CSMD1: variants seen among roughly 807,000 people sequenced by gnomAD.
The protein encoded by CSMD1 is CUB and sushi domain-containing protein 1.
A neutral mutation model predicts 417.5 loss-of-function variants in CSMD1; 213 were observed. The ratio of observed to expected loss-of-function variants is 0.51; its 90% CI spans 0.46 to 0.57. The LOEUF (loss-of-function observed/expected upper bound fraction) is 0.57. CSMD1 is among the 20% of genes least tolerant of loss of function. The pLI, the probability that CSMD1 is intolerant of heterozygous loss-of-function variation, is 0.00. For synonymous variants in CSMD1, 2,862 were observed against 1,736.8 expected (o/e 1.65, Z -16.11); for missense variants, 6,923 against 4,529.7 (o/e 1.53, Z -15.17).
At chr8:4,022,250 C>G (rs930508009) in intron 4 of CSMD1, among the ~76,000 whole-genome samples, 1 of 149,904 alleles carries the variant, frequency 6.7e-6, no homozygotes, top group African/African-American at 2.5e-5. Flanking sequence ...TTGGTCTATG[C>G]CTCACTATTC....
intron 5 of CSMD1, among the ~76,000 whole-genome samples, chr8:3,838,092 G>T (rs1216609528): frequency 6.6e-6 from 1 of 152,092 alleles, no homozygotes; most frequent in African/African-American, 2.4e-5. Flanking sequence ...AGCTGTAGCA[G>T]AAACTGGAAT....
chr8:4,485,748 T>C (rs951516793), intron 2 of CSMD1, among the ~76,000 whole-genome samples: 4 of 152,090 alleles, frequency 2.6e-5, no homozygotes, highest in Admixed American at 1.3e-4. Context: ...ATAAATCCAA[T>C]GGCTTTACTT....
chr8:3,616,649 G>A, intron 8 of CSMD1, 61 bp downstream of exon 8: 1 of 1,083,684 alleles, frequency 9.2e-7, no homozygotes, highest in South Asian at 1.4e-5. Context: ...TTAACTGCAA[G>A]CTGAAATAAT....
chr8:3,679,817 G>C (rs1032854162), intron 7 of CSMD1, among the ~76,000 whole-genome samples: 1 of 152,110 alleles, frequency 6.6e-6, no homozygotes, highest in African/African-American at 2.4e-5. Flanking sequence ...TAAAAGAAGC[G>C]AAATTATAAC....
intron 5 of CSMD1, among the ~76,000 whole-genome samples, chr8:3,976,983 T>C (rs997477386): frequency 6.6e-6 from 1 of 152,156 alleles, no homozygotes; most frequent in African/African-American, 2.4e-5. Context: ...CACATAGGTA[T>C]TAGTGTGCAG....
At chr8:4,832,030 A>G (rs1451339853) in intron 1 of CSMD1, among the ~76,000 whole-genome samples, 2 of 152,222 alleles carry the variant, frequency 1.3e-5, no homozygotes, top group African/African-American at 2.4e-5. Context: ...CCTCCAAGCA[A>G]TGCCACATGT....
rs994479623 is a variant in CSMD1, at chr8:2,937,893, T to C, written c.*692A>G. On this transcript the variant is annotated 3_prime_UTR_variant, in exon 70 of 70. Coordinates refer to ENST00000635120, the MANE Select transcript of CSMD1 (RefSeq NM_033225.6). ...ATAAACCCTGTGTAAATAATTTATT[T>C]TTTTTATCAGAATCTTAGTCATTCA... The C allele has an allele frequency of 7.9e-5, 12 of 152,646 alleles. No individual in the cohort carries two copies. The highest frequency in any genetic ancestry group is 2.7e-4 in the African/African-American group (11 of 41,458). The allele number at this position is 152,646 out of a possible 1,614,324, so 9.5% of individuals were successfully genotyped here.
At chr8:2,994,171 A>AAAAAAG (rs1320139624) in intron 54 of CSMD1, among the ~76,000 whole-genome samples, 1 of 131,320 alleles carries the variant, frequency 7.6e-6, no homozygotes, top group African/African-American at 2.9e-5. Context: ...AAAAAAAAAA[A>AAAAAAG]GCAAGAAGAA....
chr8:3,450,143 G>A (rs1019891853), intron 12 of CSMD1, among the ~76,000 whole-genome samples: 2 of 152,138 alleles, frequency 1.3e-5, no homozygotes, highest in Non-Finnish European at 2.9e-5. Context: ...TTGCTTCGAT[G>A]ACGAACGTTG....
intron 26 of CSMD1, among the ~76,000 whole-genome samples, chr8:3,235,781 T>C (rs1799113355): frequency 6.6e-6 from 1 of 152,106 alleles, no homozygotes; most frequent in African/African-American, 2.4e-5. Context: ...CAATTTTTAT[T>C]TGGAATACGT....
chr8:4,014,735 A>G (rs1232483583), intron 4 of CSMD1, among the ~76,000 whole-genome samples: 1 of 152,178 alleles, frequency 6.6e-6, no homozygotes, highest in African/African-American at 2.4e-5. Context: ...AACACTTCGC[A>G]TGACTGCCCA....
intron 3 of CSMD1, among the ~76,000 whole-genome samples, chr8:4,048,526 C>T (rs559884527): frequency 2.6e-5 from 4 of 152,150 alleles, no homozygotes; most frequent in African/African-American, 7.2e-5. Context: ...GAACATCCCT[C>T]AGGTTTATAA....
chr8:3,634,864 TG>T (rs1796955428), intron 7 of CSMD1, among the ~76,000 whole-genome samples: 2 of 152,230 alleles, frequency 1.3e-5, no homozygotes, highest in South Asian at 4.1e-4. Flanking sequence ...ACTGTGCACT[TG>T]CCCAATCCTA....
At chr8:3,864,921 G>A (rs375998584) in intron 5 of CSMD1, among the ~76,000 whole-genome samples, 3 of 152,136 alleles carry the variant, frequency 2.0e-5, no homozygotes, top group Admixed American at 6.5e-5. Flanking sequence ...TGCTCTACGT[G>A]GTCTCGGACT....
At chr8:4,785,488 G>C (rs1406270692) in intron 1 of CSMD1, among the ~76,000 whole-genome samples, 4 of 152,136 alleles carry the variant, frequency 2.6e-5, no homozygotes, top group African/African-American at 7.2e-5. Flanking sequence ...AAGACCAGCA[G>C]AGACTTAGAA....
chr8:4,311,820 A>C (rs1169229563), intron 3 of CSMD1, among the ~76,000 whole-genome samples: 2 of 151,790 alleles, frequency 1.3e-5, no homozygotes, highest in Non-Finnish European at 2.9e-5. Flanking sequence ...TGGATGGTGG[A>C]GAGTGCGAAG....
At chr8:3,519,506 G>A (rs935109067) in intron 10 of CSMD1, among the ~76,000 whole-genome samples, 3 of 152,102 alleles carry the variant, frequency 2.0e-5, no homozygotes, top group Non-Finnish European at 2.9e-5. Flanking sequence ...CAGCCAGCTT[G>A]TCTAGTATAC....
intron 4 of CSMD1, among the ~76,000 whole-genome samples, chr8:4,018,841 G>A (rs572843158): frequency 2.0e-5 from 3 of 152,290 alleles, no homozygotes; most frequent in East Asian, 3.9e-4. Flanking sequence ...TGAAGTCACT[G>A]AATTCCTCTG....
At chr8:4,175,925 C>T (rs1211225911) in intron 3 of CSMD1, among the ~76,000 whole-genome samples, 3 of 152,106 alleles carry the variant, frequency 2.0e-5, no homozygotes, top group African/African-American at 7.2e-5. Flanking sequence ...TGTGTGGTCA[C>T]TGTGCAGGTG....
Sources: allele counts gnomAD v4.1 joint callset (sites outside exome capture counted in the v4.1 genomes callset), GRCh38; gene constraint gnomAD v4.1.1; transcripts MANE v1.5; gene names NCBI Gene and HGNC (gene_info 2026-07-23, HGNC 2026-07-21).